Variants in RCAN1 observed in about 807,000 individuals in gnomAD.
RCAN1 encodes calcipressin-1.
Under a neutral mutation model 22.9 loss-of-function variants are expected in RCAN1, and 11 were observed. The observed-to-expected ratio is 0.48, with a 90% CI of 0.30 to 0.79. The LOEUF (loss-of-function observed/expected upper bound fraction) is 0.79. Ranked by LOEUF, RCAN1 falls within the 30% of genes least tolerant of loss-of-function variation. The pLI, the probability that RCAN1 is intolerant of heterozygous loss-of-function variation, is 0.06. For synonymous variants in RCAN1, 136 were observed against 142.3 expected, an observed-to-expected ratio of 0.96 and a Z score of 0.32; for missense variants, 291 against 337.8, an observed-to-expected ratio of 0.86 and a Z score of 1.09.
chr21:34,604,196 C>T (rs1479683858), intron 1 of RCAN1, among the ~76,000 whole-genome samples: 4 of 152,074 alleles, frequency 2.6e-5, no homozygotes, highest in Non-Finnish European at 5.9e-5. Flanking sequence ...AGTGGCACAA[C>T]CTTGGCTCAT....
chr21:34,573,971 A>G (rs1239084371), intron 1 of RCAN1, among the ~76,000 whole-genome samples: 1 of 152,222 alleles, frequency 6.6e-6, no homozygotes, highest in African/African-American at 2.4e-5. Flanking sequence ...GAGGCCCAGC[A>G]TTACTAGGAG....
chr21:34,605,728 T>G (rs1988503149), intron 1 of RCAN1, among the ~76,000 whole-genome samples: 1 of 151,900 alleles, frequency 6.6e-6, no homozygotes, highest in Non-Finnish European at 1.5e-5. Context: ...GAGACCAACC[T>G]GGCCAACATG....
At chr21:34,550,001 G>C (rs189308673) in intron 1 of RCAN1, among the ~76,000 whole-genome samples, 2 of 152,242 alleles carry the variant, frequency 1.3e-5, no homozygotes, top group South Asian at 2.1e-4. Flanking sequence ...GCACATCAAT[G>C]ATGAGGTGGA....
In RCAN1 at chr21:34,518,287, C is replaced by T; in HGVS notation, c.587-31G>A. 5.0e-6 allele frequency: 8 copies of T among 1,608,790 alleles called. No homozygotes were observed. The highest frequency in any genetic ancestry group is 6.8e-6 in the Non-Finnish European group (8 of 1,176,858). On this transcript the variant is annotated intron_variant, in intron 3 of 3. Transcript: ENST00000313806. The surrounding 1 kb of genome is among the most constrained non-coding windows in gnomAD (Gnocchi z 4.2). ...GAGGGAAAATAATCGCAGGGTCACT[C>T]AGACAAGTCCTTGGGAGTCAAAAGG...
At position 34,614,970 on chromosome 21, in the gene RCAN1, C is replaced by G. The variant is rs2123744137; in HGVS notation, c.42G>C (p.Ala14=). ...GCGCCTCGGCCGCCTCCGCCGCCTC[C>G]GCCGCGGCCCCGAGCTGGGGACCGG... ...GVAGPQLGAA[A]EAAEAAEARA... Residue 14 remains alanine, a synonymous_variant, in exon 1 of 4, where the codon GCG becomes GCC. Transcript: ENST00000313806. This position sits in a 1 kb window ranked among gnomAD's most constrained non-coding sequence, Gnocchi z 6.0. 4.4e-6 allele frequency: 5 copies of G among 1,140,734 alleles called. No individual in the cohort carries two copies. In the Admixed American group the frequency reaches 2.5e-4, roughly 57 times the overall value. 70.7% of individuals were successfully genotyped at this position (1,140,734 alleles called of 1,614,324 possible).
At chr21:34,568,172 T>C (rs1232994044) in intron 1 of RCAN1, among the ~76,000 whole-genome samples, 1 of 152,220 alleles carries the variant, frequency 6.6e-6, no homozygotes, top group African/African-American at 2.4e-5. Flanking sequence ...CTCTGCTTCA[T>C]TCAGCACTGC....
intron 3 of RCAN1, among the ~76,000 whole-genome samples, chr21:34,519,860 A>T (rs1382037546): frequency 1.3e-5 from 2 of 152,152 alleles, no homozygotes; most frequent in South Asian, 4.1e-4. Context: ...GAAGGTGGTG[A>T]TCTTTTCTCT....
At chr21:34,609,405 A>G (rs1220385160) in intron 1 of RCAN1, among the ~76,000 whole-genome samples, 1 of 152,114 alleles carries the variant, frequency 6.6e-6, no homozygotes. Context: ...CCCAGGGTCT[A>G]CCCATCCCAC....
Position 34,575,993 on chromosome 21 carries a change from C to G in RCAN1, c.252+38767G>C, listed in dbSNP as rs555018410. Reference sequence around the variant, plus strand: ...TCCTTCCATCACACTGCATGGGATCCTTAACTCTGAGTGAGCCAGGGTCCT... The same window carrying G: ...TCCTTCCATCACACTGCATGGGATCGTTAACTCTGAGTGAGCCAGGGTCCT... On this transcript the variant is annotated intron_variant, in intron 1 of 3. Transcript: ENST00000313806. Among the ~76,000 whole-genome samples the G allele has an allele frequency of 2.6e-4, 39 of 152,232 alleles. No homozygotes were observed. In the South Asian group the frequency reaches 8.1e-3, roughly 32 times the overall value.
At chr21:34,556,088 A>T (rs1256527662) in intron 1 of RCAN1, among the ~76,000 whole-genome samples, 1 of 98,180 alleles carries the variant, frequency 1.0e-5, no homozygotes, top group Non-Finnish European at 2.0e-5. Context: ...AAATAAATAA[A>T]TAAATAAATA....
At chr21:34,537,687 C>T (rs749370099) in intron 1 of RCAN1, among the ~76,000 whole-genome samples, 5 of 152,230 alleles carry the variant, frequency 3.3e-5, no homozygotes, top group African/African-American at 4.8e-5. Flanking sequence ...TAGTCACCTG[C>T]TAGGGCCAGC....
intron 1 of RCAN1, among the ~76,000 whole-genome samples, chr21:34,609,456 G>A (rs561159272): frequency 3.3e-5 from 5 of 152,308 alleles, no homozygotes; most frequent in African/African-American, 1.2e-4. Flanking sequence ...TGTACCAGGA[G>A]TGATGCGTTC....
Position 34,518,349 on chromosome 21 carries a change from G to T in RCAN1, c.587-93C>A. On this transcript the variant is annotated intron_variant, in intron 3 of 3. Transcript: ENST00000313806. This position sits in a 1 kb window ranked among gnomAD's most constrained non-coding sequence, Gnocchi z 4.2. ...GAGCATTCAGGGCTCTGCTGGGCCAGCTGCTCGTGACCATTCGATTGGGCT... is the reference window on the plus strand; with the variant it reads ...GAGCATTCAGGGCTCTGCTGGGCCATCTGCTCGTGACCATTCGATTGGGCT... 1 of 1,362,556 alleles carries T rather than the reference G, an allele frequency of 7.3e-7. No individual in the cohort carries two copies. Among genetic ancestry groups the T allele is most frequent in the Non-Finnish European group, 1.0e-6 (1 of 997,178 alleles). The allele number at this position is 1,362,556 out of a possible 1,614,324, so 84.4% of individuals were successfully genotyped here. A position where few individuals can be genotyped will look rare whatever the true frequency, so the allele number is the denominator to read the frequency against.
chr21:34,556,101 T>A (rs1160727429), intron 1 of RCAN1, among the ~76,000 whole-genome samples: 2 of 43,370 alleles, frequency 4.6e-5, no homozygotes, highest in Admixed American at 3.6e-4. Flanking sequence ...AATAAATAAT[T>A]AAAGGCCAAA....
intron 1 of RCAN1, among the ~76,000 whole-genome samples, chr21:34,563,403 T>C (rs934255566): frequency 4.6e-5 from 7 of 152,094 alleles, no homozygotes; most frequent in African/African-American, 1.7e-4. Flanking sequence ...TTAAAAAAGA[T>C]AAGTTGTATA....
At chr21:34,533,021 C>T (rs1031411286) in intron 1 of RCAN1, among the ~76,000 whole-genome samples, 10 of 150,104 alleles carry the variant, frequency 6.7e-5, no homozygotes, top group South Asian at 2.1e-4. Flanking sequence ...AGTGCAGTGG[C>T]ACTATCTCGG....
At chr21:34,541,509 A>C (rs979567252) in intron 1 of RCAN1, among the ~76,000 whole-genome samples, 7 of 152,178 alleles carry the variant, frequency 4.6e-5, no homozygotes, top group Non-Finnish European at 1.0e-4. Flanking sequence ...GGACATATAT[A>C]CTTTACTCAT....
chr21:34,577,146 T>C (rs1228934845), intron 1 of RCAN1, among the ~76,000 whole-genome samples: 1 of 152,156 alleles, frequency 6.6e-6, no homozygotes, highest in Non-Finnish European at 1.5e-5. Flanking sequence ...ACTAATGAGC[T>C]GAGTGAGGGA....
intron 1 of RCAN1, among the ~76,000 whole-genome samples, chr21:34,544,447 C>T (rs1352028935): frequency 1.3e-5 from 2 of 152,166 alleles, no homozygotes; most frequent in Non-Finnish European, 2.9e-5. Context: ...CAGACAGGAA[C>T]GCAGCCCAGG....
Sources: gnomAD v4.1 joint callset for allele counts (sites outside exome capture counted in the v4.1 genomes callset) on GRCh38, gnomAD v4.1.1 for gene constraint, Gnocchi (gnomAD v3.1) non-coding constraint, MANE v1.5 for transcripts, NCBI Gene and HGNC (gene_info 2026-07-23, HGNC 2026-07-21) for gene names.